LRRC8A: variants seen among roughly 807,000 people sequenced by gnomAD.
The protein encoded by LRRC8A is volume-regulated anion channel subunit LRRC8A.
LRRC8A carries 24 observed loss-of-function variants against 52.5 expected under a neutral mutation model. The observed-to-expected ratio is 0.46, with a 90% CI of 0.33 to 0.64. The LOEUF (loss-of-function observed/expected upper bound fraction) is 0.64, where lower values mean the gene tolerates loss of function less well. LRRC8A is among the 30% of genes least tolerant of loss of function. LRRC8A has a pLI of 0.02. For missense variants in LRRC8A, 677 were observed against 1,094.7 expected (o/e 0.62, Z 5.38); for synonymous variants, 492 against 494.2 (o/e 1.00, Z 0.06).
Position 128,903,574 on chromosome 9 carries a change from G to A in LRRC8A, c.-8-3583G>A, listed in dbSNP as rs933803541. On this transcript the variant is annotated intron_variant, in intron 2 of 3. Transcript: ENST00000372600. ...ACTACAGGCGCCTGCCACTATGCCC[G>A]GCTAATTTTTTTGTATTTTTAGTAG... Among the ~76,000 whole-genome samples the A allele has an allele frequency of 1.8e-4, 27 of 151,830 alleles. 1 individual carries two copies. The highest frequency in any genetic ancestry group is 6.6e-5 in the Admixed American group (1 of 15,252).
In LRRC8A at chr9:128,907,923, T is replaced by C. The variant is rs143671130; in HGVS notation, c.759T>C (p.His253=). Residue 253 remains histidine (H), a synonymous_variant, in exon 3 of 4, where the codon CAT becomes CAC. Transcript: ENST00000372600. The surrounding 1 kb of genome is among the most constrained non-coding windows in gnomAD (Gnocchi z 9.3). ...AGAAGGTGAAGAAGTTCCGGACCCA[T>C]GTGGAGGAGGGGGACATTGTGTACC... ...LFEKVKKFRT[H]VEEGDIVYRL... 97 of 1,613,890 alleles carry C rather than the reference T, an allele frequency of 6.0e-5. No individual in the cohort carries two copies. The African/African-American group carries it at 1.2e-3, about 21-fold the overall frequency.
At chr9:128,900,218 G>A (rs79777838) in intron 2 of LRRC8A, among the ~76,000 whole-genome samples, 4 of 152,104 alleles carry the variant, frequency 2.6e-5, no homozygotes, top group African/African-American at 4.8e-5. Context: ...CCACCACACC[G>A]GGGGCCCACG....
chr9:128,912,580 G>A lies in LRRC8A; in HGVS notation c.2157+3259G>A, dbSNP rs564565997. Reference sequence around the variant, plus strand: ...TTGTCTCTTCATTTGTTTAACAGCCGATCCCTTGCCAGCCCATAGGCTCTG... The same window carrying A: ...TTGTCTCTTCATTTGTTTAACAGCCAATCCCTTGCCAGCCCATAGGCTCTG... On this transcript the variant is annotated intron_variant, in intron 3 of 3. Coordinates refer to ENST00000372600, the MANE Select transcript of LRRC8A (RefSeq NM_019594.4). Among the ~76,000 whole-genome samples the A allele has an allele frequency of 2.0e-5, 3 of 152,194 alleles. No homozygotes were observed. The East Asian group carries it at 5.8e-4, about 29-fold the overall frequency.
At position 128,907,316 on chromosome 9, in the gene LRRC8A, A is replaced by G. The variant is rs1370436629; in HGVS notation, c.152A>G (p.Lys51Arg). The change falls in exon 3 of 4, where the codon AAG (lysine) becomes AGG (arginine). Residue 51 changes from lysine (K) to arginine (R), a missense_variant. Around this residue, in one of 4 missense-constraint regions of LRRC8A, gnomAD observed 32 missense variants for 86.0 expected, o/e 0.37. Transcript: ENST00000372600. This position sits in a 1 kb window ranked among gnomAD's most constrained non-coding sequence, Gnocchi z 9.3. The part of the protein sequence containing the change: ...FGGTLQVTQD[K>R]MICLPCKWVT... ...GGGACGCTGCAGGTCACCCAAGACA[A>G]GATGATCTGCCTGCCTTGTAAGTGG... is the stretch of plus-strand genomic sequence containing the variant. The G allele has an allele frequency of 6.2e-7, 1 of 1,613,854 alleles. No individual in the cohort carries two copies. The highest frequency in any genetic ancestry group is 8.5e-7 in the Non-Finnish European group (1 of 1,180,026).
rs1840894692 is a variant in LRRC8A, at chr9:128,917,873, T to G, written c.*1502T>G. ...TTAGAGTCTCTTGTCTTAATGATTA[T>G]GTCCATCCGTCTGTCCGTCCATTTG... On this transcript the variant is annotated 3_prime_UTR_variant, in exon 4 of 4. Transcript: ENST00000372600. The G allele has an allele frequency of 6.5e-6, 1 of 152,714 alleles. No homozygotes were observed. The highest frequency in any genetic ancestry group is 2.1e-4 in the South Asian group (1 of 4,830). The allele number at this position is 152,714 out of a possible 1,614,324, so 9.5% of individuals were successfully genotyped here.
chr9:128,911,168 A>G lies in LRRC8A; in HGVS notation c.2157+1847A>G, dbSNP rs551158677. 1.1e-4 allele frequency among the ~76,000 whole-genome samples: 17 copies of G among 152,102 alleles called. No individual in the cohort carries two copies. Among genetic ancestry groups the G allele is most frequent in the Non-Finnish European group, 2.5e-4 (17 of 68,008 alleles). On this transcript the variant is annotated intron_variant, in intron 3 of 3. Transcript: ENST00000372600. This position sits in a 1 kb window ranked among gnomAD's most constrained non-coding sequence, Gnocchi z 4.9. ...GTCCTCCTGGGCCCCAGGACAGGACACACCTTCTCCAGCATCACTCAGACT... is the reference window on the plus strand; with the variant it reads ...GTCCTCCTGGGCCCCAGGACAGGACGCACCTTCTCCAGCATCACTCAGACT...
Position 128,916,615 on chromosome 9 carries a change from A to AGC in LRRC8A, c.*247_*248dup. On this transcript the variant is annotated 3_prime_UTR_variant, in exon 4 of 4. Coordinates refer to ENST00000372600, the MANE Select transcript of LRRC8A (RefSeq NM_019594.4). This position sits in a 1 kb window ranked among gnomAD's most constrained non-coding sequence, Gnocchi z 6.1. ...CTTGTGGAGGAGAGCAAGTCTCAAG[A>AGC]GCGCAGTATTTGGATAATCAGGGTC... 2 of 539,404 alleles carry AGC rather than the reference A, an allele frequency of 3.7e-6. No individual in the cohort carries two copies. The highest frequency in any genetic ancestry group is 5.9e-5 in the East Asian group (2 of 33,826). 33.4% of individuals were successfully genotyped at this position (539,404 alleles called of 1,614,324 possible).
rs558338791 is a variant in LRRC8A, at chr9:128,894,069, C to T, written c.-9+7948C>T. Among the ~76,000 whole-genome samples the T allele has an allele frequency of 3.9e-5, 6 of 152,072 alleles. No homozygotes were observed. In the East Asian group the frequency reaches 5.9e-4, roughly 15 times the overall value. The stretch of plus-strand genomic sequence containing the variant: ...AATTTTTTTGTATTTTTAGTAGAGA[C>T]GGGGTTTCGCCATGTTGGCCAGGCT... On this transcript the variant is annotated intron_variant, in intron 2 of 3. Transcript: ENST00000372600.
chr9:128,886,379 C>T (rs954141159), intron 2 of LRRC8A, among the ~76,000 whole-genome samples: 28 of 152,232 alleles, frequency 1.8e-4, no homozygotes, highest in African/African-American at 6.8e-4. Flanking sequence ...CAGATCTTAT[C>T]AGTCTGGGTC....
At chr9:128,887,503 C>T (rs1839442376) in intron 2 of LRRC8A, among the ~76,000 whole-genome samples, 1 of 151,994 alleles carries the variant, frequency 6.6e-6, no homozygotes, top group African/African-American at 2.4e-5. Context: ...TGAGTCTCTG[C>T]TGATTCTCAT....
At chr9:128,891,374 G>T (rs1350815534) in intron 2 of LRRC8A, among the ~76,000 whole-genome samples, 1 of 151,864 alleles carries the variant, frequency 6.6e-6, no homozygotes, top group African/African-American at 2.4e-5. Context: ...GACCAGCCTG[G>T]GCAACATAAC....
At chr9:128,897,503 C>CAG (rs1219709276) in intron 2 of LRRC8A, among the ~76,000 whole-genome samples, 25 of 151,894 alleles carry the variant, frequency 1.6e-4, no homozygotes, top group Admixed American at 1.6e-3. Flanking sequence ...CCACAGCACA[C>CAG]GGCCTGTCTT....
chr9:128,896,557 C>T (rs1839831745), intron 2 of LRRC8A, among the ~76,000 whole-genome samples: 1 of 152,166 alleles, frequency 6.6e-6, no homozygotes, highest in Admixed American at 6.6e-5. Flanking sequence ...TCCTTGATTA[C>T]TAGCAAGGCT....
At chr9:128,903,183 C>T (rs1815768524) in intron 2 of LRRC8A, among the ~76,000 whole-genome samples, 1 of 152,154 alleles carries the variant, frequency 6.6e-6, no homozygotes, top group Admixed American at 6.5e-5. Context: ...GGCCTGGCCT[C>T]TTGGGCATCA....
chr9:128,908,409 G>A lies in LRRC8A; in HGVS notation c.1245G>A (p.Lys415=), dbSNP rs758053442. Residue 415 remains lysine (K), a synonymous_variant, in exon 3 of 4, where the codon AAG becomes AAA. Transcript: ENST00000372600. Reference sequence around the variant, plus strand: ...TCAACAACGAGTGGACGCTGGACAAGCTCCGGCAGCGGCTCACCAAGAACG... The same window carrying A: ...TCAACAACGAGTGGACGCTGGACAAACTCCGGCAGCGGCTCACCAAGAACG... ...LNLNNEWTLD[K]LRQRLTKNAQ... 3 of 1,613,626 alleles carry A rather than the reference G, an allele frequency of 1.9e-6. No individual in the cohort carries two copies. The highest frequency in any genetic ancestry group is 2.5e-6 in the Non-Finnish European group (3 of 1,180,036).
At chr9:128,891,489 A>G (rs1314791580) in intron 2 of LRRC8A, among the ~76,000 whole-genome samples, 1 of 152,162 alleles carries the variant, frequency 6.6e-6, no homozygotes, top group African/African-American at 2.4e-5. Context: ...TGAGCCAAGG[A>G]GTTCAAAGTT....
chr9:128,906,186 C>T (rs964252583), intron 2 of LRRC8A, among the ~76,000 whole-genome samples: 4 of 152,046 alleles, frequency 2.6e-5, no homozygotes, highest in East Asian at 1.9e-4. Flanking sequence ...TGGAGTACAG[C>T]GACGGGGTCA....
Position 128,911,953 on chromosome 9 carries a change from C to A in LRRC8A, c.2157+2632C>A, listed in dbSNP as rs974791603. 1.3e-5 allele frequency among the ~76,000 whole-genome samples: 2 copies of A among 152,258 alleles called. No homozygotes were observed. Among genetic ancestry groups the A allele is most frequent in the African/African-American group, 4.8e-5 (2 of 41,472 alleles). On this transcript the variant is annotated intron_variant, in intron 3 of 3. Transcript: ENST00000372600. This position sits in a 1 kb window ranked among gnomAD's most constrained non-coding sequence, Gnocchi z 4.9. ...TCTCAGCCACCTTGGCCAGTGGTGA[C>A]CAGGAGGGGTGGGCGTGGCCTGCCC...
intron 2 of LRRC8A, among the ~76,000 whole-genome samples, chr9:128,896,515 G>A (rs1018551493): frequency 6.6e-6 from 1 of 152,174 alleles, no homozygotes; most frequent in Admixed American, 6.6e-5. Flanking sequence ...AATTGGGGGA[G>A]TGAAGTGATA....
Sources: allele counts gnomAD v4.1 joint callset (sites outside exome capture counted in the v4.1 genomes callset), GRCh38; gene constraint gnomAD v4.1.1; regional missense constraint gnomAD v4.1.1; non-coding constraint Gnocchi (gnomAD v3.1); transcripts MANE v1.5; gene names NCBI Gene and HGNC (gene_info 2026-07-23, HGNC 2026-07-21).